The following DGKB variants were observed in gnomAD, a reference collection of about 807,000 sequenced individuals.
DGKB encodes 90 kDa diacylglycerol kinase.
DGKB carries 67 observed loss-of-function variants against 114.3 expected under a neutral mutation model. The observed-to-expected ratio is 0.59, with a 90% CI of 0.48 to 0.72. DGKB has a LOEUF of 0.72. Among genes scored for constraint, DGKB ranks in the 30% least tolerant of loss-of-function variants. The pLI is 0.00. For missense variants in DGKB, 907 were observed against 975.2 expected (o/e 0.93, Z 0.93); for synonymous variants, 398 against 323.1 (o/e 1.23, Z -2.49).
intron 12 of DGKB, among the ~76,000 whole-genome samples, chr7:14,678,785 G>A (rs1184455017): frequency 6.6e-6 from 1 of 151,966 alleles, no homozygotes; most frequent in Admixed American, 6.6e-5. Context: ...CTCTAATCTA[G>A]TCAAGAGGTG....
At chr7:14,283,327 A>G (rs934584996) in intron 23 of DGKB, among the ~76,000 whole-genome samples, 3 of 151,392 alleles carry the variant, frequency 2.0e-5, no homozygotes, top group East Asian at 1.9e-4. Flanking sequence ...GACCTCTTCA[A>G]GGAGAACTAC....
intron 23 of DGKB, among the ~76,000 whole-genome samples, chr7:14,251,589 A>G (rs1562744755): frequency 6.6e-6 from 1 of 152,112 alleles, no homozygotes; most frequent in Non-Finnish European, 1.5e-5. Flanking sequence ...TTACCTTTAT[A>G]GGGAGTTTTA....
chr7:14,784,422 C>G (rs1586484120), intron 2 of DGKB, among the ~76,000 whole-genome samples: 1 of 144,112 alleles, frequency 6.9e-6, no homozygotes, highest in East Asian at 2.0e-4. Flanking sequence ...GGCTGGAAGG[C>G]AGTGGTTCGA....
chr7:14,352,331 A>G (rs76778028), intron 21 of DGKB, among the ~76,000 whole-genome samples: 7 of 149,770 alleles, frequency 4.7e-5, no homozygotes, highest in Non-Finnish European at 8.9e-5. Context: ...TTCCCTATGG[A>G]AAAAAAAAGT....
At chr7:14,362,213 T>C (rs1452757920) in intron 21 of DGKB, among the ~76,000 whole-genome samples, 1 of 152,038 alleles carries the variant, frequency 6.6e-6, no homozygotes, top group Non-Finnish European at 1.5e-5. Context: ...TAAAGACTGT[T>C]CTTACCTATA....
At chr7:14,810,295 T>C (rs1843264785) in intron 2 of DGKB, among the ~76,000 whole-genome samples, 1 of 152,148 alleles carries the variant, frequency 6.6e-6, no homozygotes, top group African/African-American at 2.4e-5. Flanking sequence ...ACCTAGTCAC[T>C]CATGGCAATT....
At chr7:14,695,507 T>TA (rs1563935366) in intron 8 of DGKB, among the ~76,000 whole-genome samples, 3 of 129,224 alleles carry the variant, frequency 2.3e-5, no homozygotes, top group African/African-American at 9.0e-5. Context: ...TTTTTTTTTT[T>TA]TTTTTTTTTT....
At chr7:14,201,249 A>G (rs891310955) in intron 23 of DGKB, among the ~76,000 whole-genome samples, 1 of 151,510 alleles carries the variant, frequency 6.6e-6, no homozygotes, top group African/African-American at 2.4e-5. Context: ...AATCCCAATT[A>G]TGATGGCACC....
At chr7:14,799,406 T>C (rs1457630105) in intron 2 of DGKB, among the ~76,000 whole-genome samples, 3 of 152,192 alleles carry the variant, frequency 2.0e-5, no homozygotes, top group Non-Finnish European at 2.9e-5. Flanking sequence ...ATTGATGACA[T>C]CATGCTAACT....
chr7:14,676,414 A>C (rs1468445925), intron 12 of DGKB, among the ~76,000 whole-genome samples: 3 of 151,682 alleles, frequency 2.0e-5, no homozygotes, highest in African/African-American at 7.3e-5. Flanking sequence ...TTTTAAAACA[A>C]CTAAAAGAAG....
chr7:14,372,064 T>C (rs1466035820), intron 21 of DGKB, among the ~76,000 whole-genome samples: 1 of 152,182 alleles, frequency 6.6e-6, no homozygotes, highest in African/African-American at 2.4e-5. Flanking sequence ...TGCCTTTCTC[T>C]TTCAGCGCCT....
intron 21 of DGKB, among the ~76,000 whole-genome samples, chr7:14,474,204 T>C (rs1415910414): frequency 6.6e-6 from 1 of 152,150 alleles, no homozygotes; most frequent in African/African-American, 2.4e-5. Flanking sequence ...GGGTAAGTTT[T>C]TCCCATGCTG....
At chr7:14,907,879 G>T (rs1404662245), upstream of DGKB, among the ~76,000 whole-genome samples, 1 of 152,158 alleles carries the variant, frequency 6.6e-6, no homozygotes, top group Non-Finnish European at 1.5e-5. Flanking sequence ...CAAACTTTCT[G>T]AGCCACCCAC....
chr7:14,961,780 A>G (rs938213688), intron 1 of DGKB, among the ~76,000 whole-genome samples: 9 of 151,842 alleles, frequency 5.9e-5, no homozygotes, highest in African/African-American at 1.9e-4. Flanking sequence ...CTCCTACACA[A>G]TCCTGCTTCT....
At chr7:14,347,897 A>T (rs1812749032) in intron 21 of DGKB, among the ~76,000 whole-genome samples, 1 of 152,062 alleles carries the variant, frequency 6.6e-6, no homozygotes, top group Non-Finnish European at 1.5e-5. Context: ...AATTTTTAAA[A>T]ATTTGTAAAT....
intron 15 of DGKB, among the ~76,000 whole-genome samples, 160 bp from the exon 16 acceptor site, chr7:14,613,573 GTGCGTGTGTA>G (rs113540660): frequency 0.27 from 40,250 of 150,280 alleles, 5,963 homozygotes; most frequent in East Asian, 0.67. Context: ...GTGCGTGTGT[GTGCGTGTGTA>G]TGTGTGTGTG....
chr7:14,418,237 TTA>T (rs1235166563), intron 21 of DGKB, among the ~76,000 whole-genome samples: 9 of 131,730 alleles, frequency 6.8e-5, no homozygotes, highest in Non-Finnish European at 1.3e-4. Flanking sequence ...TACATATATT[TTA>T]TATATGTGTG....
chr7:14,665,013 C>A (rs1329135773), intron 13 of DGKB, among the ~76,000 whole-genome samples: 3 of 151,848 alleles, frequency 2.0e-5, no homozygotes, highest in African/African-American at 7.3e-5. Context: ...TTAAAGGTAC[C>A]TTTAAGAAAT....
chr7:14,418,692 C>T (rs1415209012), intron 21 of DGKB, among the ~76,000 whole-genome samples: 2 of 151,810 alleles, frequency 1.3e-5, no homozygotes, highest in Non-Finnish European at 2.9e-5. Flanking sequence ...GTCAAAACAT[C>T]TAGGTTTAAT....
Sources: allele counts gnomAD v4.1 joint callset (sites outside exome capture counted in the v4.1 genomes callset), GRCh38; gene constraint gnomAD v4.1.1; transcripts MANE v1.5; gene names NCBI Gene and HGNC (gene_info 2026-07-23, HGNC 2026-07-21).